Variants in RPTOR observed in about 807,000 individuals in gnomAD.
RPTOR encodes regulatory associated protein of MTOR complex 1, also known as regulatory-associated protein of mTOR.
In RPTOR, 21 loss-of-function variants were observed where a neutral mutation model predicts 169.9. The ratio of observed to expected loss-of-function variants is 0.12; its 90% confidence interval spans 0.09 to 0.18. RPTOR has a LOEUF of 0.18. Among genes scored for constraint, RPTOR ranks in the 10% least tolerant of loss-of-function variants. The pLI, the probability that RPTOR is intolerant of heterozygous loss-of-function variation, is 1.00. For synonymous variants in RPTOR, 732 were observed against 753.2 expected, an observed-to-expected ratio of 0.97 and a Z score of 0.46; for missense variants, 1,133 against 1,855.9, an observed-to-expected ratio of 0.61 and a Z score of 7.16.
intron 3 of RPTOR, among the ~76,000 whole-genome samples, chr17:80,654,481 T>G (rs2065665275): frequency 6.6e-6 from 1 of 152,196 alleles, no homozygotes; most frequent in Non-Finnish European, 1.5e-5. Flanking sequence ...AACTGGCCCA[T>G]CTGTGGGTTG....
chr17:80,935,389 T>C (rs1567996528), intron 24 of RPTOR, among the ~76,000 whole-genome samples: 1 of 152,140 alleles, frequency 6.6e-6, no homozygotes, highest in Non-Finnish European at 1.5e-5. Flanking sequence ...GAAACTAAAA[T>C]AACCAGAACA....
chr17:80,926,335 AAG>A (rs1319512751), intron 24 of RPTOR, among the ~76,000 whole-genome samples: 9 of 152,326 alleles, frequency 5.9e-5, no homozygotes, highest in Admixed American at 3.3e-4. Flanking sequence ...CTTTACTGCA[AAG>A]AGAGAGGAGT....
chr17:80,681,900 G>A (rs1005761518), intron 3 of RPTOR, among the ~76,000 whole-genome samples: 10 of 151,956 alleles, frequency 6.6e-5, no homozygotes, highest in African/African-American at 2.4e-4. Context: ...CATGAACACT[G>A]AGGAAGAATG....
intron 12 of RPTOR, among the ~76,000 whole-genome samples, chr17:80,856,511 A>G (rs1275528546): frequency 6.6e-6 from 1 of 152,246 alleles, no homozygotes; most frequent in Non-Finnish European, 1.5e-5. Context: ...ATAGTCCAGC[A>G]CTGAAGGACG....
chr17:80,705,977 C>T (rs562358167), intron 3 of RPTOR, among the ~76,000 whole-genome samples: 3 of 152,322 alleles, frequency 2.0e-5, no homozygotes, highest in African/African-American at 7.2e-5. Context: ...TTCCTTCAAA[C>T]GCAGCCTCCC....
intron 10 of RPTOR, among the ~76,000 whole-genome samples, chr17:80,843,369 C>G (rs868243796): frequency 2.0e-5 from 3 of 152,036 alleles, no homozygotes; most frequent in Admixed American, 6.5e-5. Flanking sequence ...TGCAGTGAGC[C>G]AAGATCATGC....
chr17:80,663,527 T>C, intron 3 of RPTOR, among the ~76,000 whole-genome samples: 1 of 152,200 alleles, frequency 6.6e-6, no homozygotes, highest in East Asian at 1.9e-4. Context: ...GAATGAATTA[T>C]TAGGTGAGAT....
intron 13 of RPTOR, among the ~76,000 whole-genome samples, chr17:80,859,149 G>C (rs540805655): frequency 7.2e-4 from 110 of 152,284 alleles, no homozygotes; most frequent in Middle Eastern, 3.4e-3. Context: ...AGCCCTGTGC[G>C]GCCTAGGAGC....
intron 24 of RPTOR, among the ~76,000 whole-genome samples, chr17:80,932,630 C>A (rs144183572): frequency 6.6e-6 from 1 of 152,092 alleles, no homozygotes; most frequent in African/African-American, 2.4e-5. Flanking sequence ...GGAAAAAAAT[C>A]AGTGAATTTA....
At chr17:80,821,423 G>A (rs1247129057) in intron 7 of RPTOR, among the ~76,000 whole-genome samples, 1 of 152,208 alleles carries the variant, frequency 6.6e-6, no homozygotes, top group Non-Finnish European at 1.5e-5. Flanking sequence ...CTCTGAACAC[G>A]TGGCATTTGG....
At position 80,860,373 on chromosome 17, in the gene RPTOR, C is replaced by T. The variant is rs939266323; in HGVS notation, c.1509+2473C>T. On this transcript the variant is annotated intron_variant, in intron 13 of 33. Coordinates refer to ENST00000306801, the MANE Select transcript of RPTOR (RefSeq NM_020761.3). The surrounding 1 kb of genome is among the most constrained non-coding windows in gnomAD (Gnocchi z 5.8). ...TGCGCTCTCACCCGTCAGCCCTGCACACCCCACACAAAGCCACTGCTGTGT... is the reference window on the plus strand; with the variant it reads ...TGCGCTCTCACCCGTCAGCCCTGCATACCCCACACAAAGCCACTGCTGTGT... 1.3e-5 allele frequency among the ~76,000 whole-genome samples: 2 copies of T among 152,228 alleles called. No homozygotes were observed. The highest frequency in any genetic ancestry group is 2.9e-5 in the Non-Finnish European group (2 of 68,036).
chr17:80,853,227 C>T (rs1399368319), intron 11 of RPTOR, among the ~76,000 whole-genome samples: 2 of 152,208 alleles, frequency 1.3e-5, no homozygotes, highest in Admixed American at 6.5e-5. Context: ...TATCCGGCCC[C>T]TCCCCCATCA....
chr17:80,575,627 C>A (rs947898916), intron 1 of RPTOR, among the ~76,000 whole-genome samples: 3 of 152,172 alleles, frequency 2.0e-5, no homozygotes, highest in Non-Finnish European at 2.9e-5. Context: ...CCCTTATAGG[C>A]CCGTGCGTGG....
At chr17:80,603,521 G>A (rs1439401453) in intron 1 of RPTOR, among the ~76,000 whole-genome samples, 1 of 152,180 alleles carries the variant, frequency 6.6e-6, no homozygotes, top group African/African-American at 2.4e-5. Flanking sequence ...TGTGGTGCTG[G>A]GTGGAGTCCC....
intron 20 of RPTOR, among the ~76,000 whole-genome samples, chr17:80,896,476 TCCCA>T (rs2068404625): frequency 1.9e-5 from 2 of 103,928 alleles, no homozygotes; most frequent in African/African-American, 4.6e-5. Context: ...CACCGACACA[TCCCA>T]CGGCCGCACC....
chr17:80,558,397 G>A (rs2084437421), intron 1 of RPTOR, among the ~76,000 whole-genome samples: 1 of 152,220 alleles, frequency 6.6e-6, no homozygotes, highest in East Asian at 1.9e-4. Flanking sequence ...AACAGCTGAA[G>A]AGGAGACAGT....
chr17:80,678,273 A>G (rs562749964), intron 3 of RPTOR, among the ~76,000 whole-genome samples: 15 of 152,344 alleles, frequency 9.8e-5, no homozygotes, highest in Admixed American at 9.8e-4. Flanking sequence ...GGCGAAAGGA[A>G]GAAGAATCAG....
chr17:80,799,565 C>T (rs1043250465), intron 7 of RPTOR, among the ~76,000 whole-genome samples: 4 of 152,188 alleles, frequency 2.6e-5, no homozygotes, highest in Admixed American at 6.5e-5. Flanking sequence ...GTGAGGACGA[C>T]GTTGGTTCCT....
chr17:80,904,553 T>C (rs549255750), intron 20 of RPTOR, among the ~76,000 whole-genome samples: 1 of 152,266 alleles, frequency 6.6e-6, no homozygotes, highest in African/African-American at 2.4e-5. Context: ...ATTATGATCT[T>C]TTATTACTTT....
Sources: allele counts gnomAD v4.1 joint callset (sites outside exome capture counted in the v4.1 genomes callset), GRCh38; gene constraint gnomAD v4.1.1; non-coding constraint Gnocchi (gnomAD v3.1); transcripts MANE v1.5; gene names NCBI Gene and HGNC (gene_info 2026-07-23, HGNC 2026-07-21).